OSBPL1A: variants seen among roughly 807,000 people sequenced by gnomAD.
The protein encoded by OSBPL1A is oxysterol-binding protein-related protein 1.
A neutral mutation model predicts 137.1 loss-of-function variants in OSBPL1A; 80 were observed. The ratio of observed to expected loss-of-function variants is 0.58; its 90% CI spans 0.49 to 0.70. The LOEUF (loss-of-function observed/expected upper bound fraction) is 0.70, where lower values mean the gene tolerates loss of function less well. Ranked by LOEUF, OSBPL1A falls within the 30% of genes least tolerant of loss-of-function variation. The pLI is 0.00. For missense variants in OSBPL1A, 970 were observed against 1,129.4 expected, an observed-to-expected ratio of 0.86 and a Z score of 2.02; for synonymous variants, 365 against 389.7, an observed-to-expected ratio of 0.94 and a Z score of 0.75.
At chr18:24,185,492 TG>T (rs2086723653) in intron 18 of OSBPL1A, among the ~76,000 whole-genome samples, 4 of 152,200 alleles carry the variant, frequency 2.6e-5, no homozygotes, top group Admixed American at 2.6e-4. Flanking sequence ...GCTAATTTTT[TG>T]TATCTTTAGT....
intron 16 of OSBPL1A, among the ~76,000 whole-genome samples, chr18:24,229,847 C>T (rs982634307): frequency 2.0e-5 from 3 of 151,908 alleles, no homozygotes; most frequent in Non-Finnish European, 2.9e-5. Flanking sequence ...GCCTCCCTCA[C>T]GCAAGTGATT....
chr18:24,375,686 T>G (rs1906056021), intron 2 of OSBPL1A, among the ~76,000 whole-genome samples: 1 of 152,172 alleles, frequency 6.6e-6, no homozygotes, highest in Admixed American at 6.6e-5. Flanking sequence ...GTACCTATTT[T>G]GTAATGCAGA....
chr18:24,181,372 G>T, intron 18 of OSBPL1A, 93 bp from the exon 19 acceptor site: 1 of 1,352,382 alleles, frequency 7.4e-7, no homozygotes, highest in Non-Finnish European at 1.0e-6. Flanking sequence ...GGAAAGGACA[G>T]AACAGAAACT....
chr18:24,237,745 G>A (rs140523816), intron 16 of OSBPL1A, among the ~76,000 whole-genome samples: 7 of 152,194 alleles, frequency 4.6e-5, no homozygotes, highest in East Asian at 1.9e-4. Flanking sequence ...TAGAAGAAGC[G>A]CCACTGGACC....
intron 1 of OSBPL1A, among the ~76,000 whole-genome samples, chr18:24,391,780 T>C (rs1418390530): frequency 6.6e-6 from 1 of 152,222 alleles, no homozygotes; most frequent in South Asian, 2.1e-4. Context: ...AAGGGCAAAT[T>C]TGATGTTATG....
Position 24,186,198 on chromosome 18 carries a change from G to A in OSBPL1A, c.1678-4919C>T, listed in dbSNP as rs79548865. Among the ~76,000 whole-genome samples, 929 of 152,098 alleles carry A rather than the reference G, an allele frequency of 6.1e-3. 19 individuals carry two copies. Among genetic ancestry groups the A allele is most frequent in the African/African-American group, 0.021 (883 of 41,506 alleles). On this transcript the variant is annotated intron_variant, in intron 18 of 27. Transcript: ENST00000319481. Reference sequence around the variant, plus strand: ...CACATGTGATAAAAGAGAATGTAAAGCCAAAAAAGAGTAGCAAAAAAAGTA... The same window carrying A: ...CACATGTGATAAAAGAGAATGTAAAACCAAAAAAGAGTAGCAAAAAAAGTA...
chr18:24,247,626 CTAATTTTTTTTG>C (rs1277277010), intron 15 of OSBPL1A, among the ~76,000 whole-genome samples: 2 of 151,926 alleles, frequency 1.3e-5, no homozygotes, highest in Admixed American at 6.6e-5. Flanking sequence ...CCATGGCTGG[CTAATTTTTTTTG>C]TAATTTTTTT....
intron 13 of OSBPL1A, among the ~76,000 whole-genome samples, chr18:24,308,547 CA>C (rs1273545997): frequency 1.3e-5 from 2 of 150,816 alleles, no homozygotes; most frequent in Admixed American, 1.3e-4. Context: ...AACACAAAAA[CA>C]GTTCAGATCC....
Position 24,172,490 on chromosome 18 carries a change from A to G in OSBPL1A, c.2094-7T>C. On this transcript the variant is annotated splice_polypyrimidine_tract_variant and splice_region_variant and intron_variant, in intron 21 of 27. Coordinates refer to ENST00000319481, the MANE Select transcript of OSBPL1A (RefSeq NM_080597.4). ...TGTATATGCCTCATTGTGTCTAAAA[A>G]ACAAAACCAAACCCAGAAGCATAAG... The G allele has an allele frequency of 6.3e-7, 1 of 1,585,490 alleles. No homozygotes were observed. Among genetic ancestry groups the G allele is most frequent in the Non-Finnish European group, 8.7e-7 (1 of 1,154,796 alleles).
At chr18:24,328,102 C>G (rs1052201308) in intron 7 of OSBPL1A, among the ~76,000 whole-genome samples, 1 of 137,338 alleles carries the variant, frequency 7.3e-6, no homozygotes, top group Non-Finnish European at 1.5e-5. Flanking sequence ...AGTGTAGTGG[C>G]GCAATCTTGG....
At chr18:24,196,522 T>G (rs1342645793) in intron 17 of OSBPL1A, among the ~76,000 whole-genome samples, 3 of 152,224 alleles carry the variant, frequency 2.0e-5, no homozygotes, top group Admixed American at 1.3e-4. Flanking sequence ...ATGGCACATC[T>G]GACCCTGTTG....
intron 9 of OSBPL1A, among the ~76,000 whole-genome samples, chr18:24,318,334 C>G (rs2090774404): frequency 6.6e-6 from 1 of 151,970 alleles, no homozygotes; most frequent in Non-Finnish European, 1.5e-5. Context: ...ATCCCAGCTA[C>G]TTGGAAGACT....
At chr18:24,353,298 C>T (rs2091475282) in intron 4 of OSBPL1A, among the ~76,000 whole-genome samples, 1 of 152,222 alleles carries the variant, frequency 6.6e-6, no homozygotes, top group South Asian at 2.1e-4. Context: ...ATTTACGCAG[C>T]CAAAAAACAC....
intron 14 of OSBPL1A, among the ~76,000 whole-genome samples, chr18:24,302,929 G>A (rs898391747): frequency 1.3e-5 from 2 of 152,090 alleles, no homozygotes; most frequent in African/African-American, 4.8e-5. Flanking sequence ...GTTGTTCGAA[G>A]TAACAGCCGG....
intron 2 of OSBPL1A, among the ~76,000 whole-genome samples, chr18:24,369,348 A>T (rs1905428925): frequency 6.6e-6 from 1 of 152,200 alleles, no homozygotes. Context: ...AGCAAAAAAG[A>T]TATTCAGAGC....
chr18:24,351,374 T>TA (rs915223630), intron 4 of OSBPL1A, among the ~76,000 whole-genome samples: 8 of 90,184 alleles, frequency 8.9e-5, no homozygotes, highest in African/African-American at 3.0e-4. Context: ...AAAAAAGACA[T>TA]AAAAAAATCA....
intron 15 of OSBPL1A, among the ~76,000 whole-genome samples, chr18:24,270,040 T>C (rs1039200842): frequency 2.6e-5 from 4 of 152,244 alleles, no homozygotes; most frequent in African/African-American, 9.6e-5. Context: ...GGACTATATA[T>C]AAAATAAACT....
intron 11 of OSBPL1A, among the ~76,000 whole-genome samples, chr18:24,316,536 A>T (rs188608520): frequency 6.6e-6 from 1 of 152,324 alleles, no homozygotes; most frequent in Non-Finnish European, 1.5e-5. Flanking sequence ...AGACAAAATA[A>T]ATTTTAAAAC....
At position 24,321,460 on chromosome 18, in the gene OSBPL1A, C is replaced by T. The variant is rs895769803; in HGVS notation, c.626-2651G>A. ...TGCAGTCATGTGTCATCACACCTGG[C>T]TAATTTTTGTATTTTTTTGTAGGAA... On this transcript the variant is annotated intron_variant, in intron 7 of 27. Coordinates refer to ENST00000319481, the MANE Select transcript of OSBPL1A (RefSeq NM_080597.4). 8.1e-4 allele frequency among the ~76,000 whole-genome samples: 124 copies of T among 152,156 alleles called. 3 individuals carry two copies. The highest frequency in any genetic ancestry group is 4.7e-4 in the Non-Finnish European group (32 of 68,032).
Sources: gnomAD v4.1 joint callset for allele counts (sites outside exome capture counted in the v4.1 genomes callset) on GRCh38, gnomAD v4.1.1 for gene constraint, MANE v1.5 for transcripts, NCBI Gene and HGNC (gene_info 2026-07-23, HGNC 2026-07-21) for gene names.